RBFOX1: variants seen among roughly 807,000 people sequenced by gnomAD.
RBFOX1 encodes RNA binding protein fox-1 homolog 1.
In RBFOX1, 8 loss-of-function variants were observed where a neutral mutation model predicts 57.7. The ratio of observed to expected loss-of-function variants is 0.14; its 90% CI spans 0.08 to 0.25. The LOEUF (loss-of-function observed/expected upper bound fraction) is 0.25, where lower values mean the gene tolerates loss of function less well. Ranked by LOEUF, RBFOX1 falls within the 10% of genes least tolerant of loss-of-function variation. The probability of loss-of-function intolerance (pLI) is 1.00; values close to 1 mark genes in which losing one functional copy is unlikely to be tolerated. For synonymous variants in RBFOX1, 326 were observed against 222.4 expected, an observed-to-expected ratio of 1.47 and a Z score of -4.15; for missense variants, 611 against 548.5, an observed-to-expected ratio of 1.11 and a Z score of -1.14.
chr16:6,415,851 T>C (rs1229772268), intron 2 of RBFOX1, among the ~76,000 whole-genome samples: 2 of 152,230 alleles, frequency 1.3e-5, no homozygotes, highest in African/African-American at 2.4e-5. Context: ...TCGAAGTCTC[T>C]ATCGGTGTGA....
intron 9 of RBFOX1, among the ~76,000 whole-genome samples, chr16:7,598,347 G>C (rs1227260712): frequency 1.3e-5 from 2 of 152,130 alleles, no homozygotes; most frequent in Non-Finnish European, 2.9e-5. Flanking sequence ...ATGCCAGAAT[G>C]CTAATGGTTG....
chr16:5,891,867 C>T (rs1597664287), intron 4 of RBFOX1, among the ~76,000 whole-genome samples: 2 of 152,124 alleles, frequency 1.3e-5, no homozygotes, highest in African/African-American at 4.8e-5. Context: ...CTGAGGGATT[C>T]TAGGAACAAA....
chr16:7,618,161 A>G (rs2058758148), intron 10 of RBFOX1, among the ~76,000 whole-genome samples: 1 of 152,196 alleles, frequency 6.6e-6, no homozygotes, highest in African/African-American at 2.4e-5. Context: ...TTAAAATTTT[A>G]CATAATGAAA....
At chr16:6,780,521 T>TAC (rs1491368958) in intron 3 of RBFOX1, among the ~76,000 whole-genome samples, 5 of 111,772 alleles carry the variant, frequency 4.5e-5, no homozygotes, top group Admixed American at 1.2e-4. Context: ...TATATACATT[T>TAC]ATATATATTT....
At chr16:5,901,804 G>A (rs1339126626) in intron 4 of RBFOX1, among the ~76,000 whole-genome samples, 1 of 152,112 alleles carries the variant, frequency 6.6e-6, no homozygotes, top group Non-Finnish European at 1.5e-5. Flanking sequence ...TTTCTTCATA[G>A]CCTCAGGATT....
At chr16:7,264,518 C>T (rs1019952840) in intron 4 of RBFOX1, among the ~76,000 whole-genome samples, 2 of 152,188 alleles carry the variant, frequency 1.3e-5, no homozygotes, top group East Asian at 3.9e-4. Context: ...TCTTTGCTGA[C>T]CACGTAGTCT....
intron 4 of RBFOX1, among the ~76,000 whole-genome samples, chr16:5,888,811 A>G (rs1407522595): frequency 6.6e-6 from 1 of 151,910 alleles, no homozygotes; most frequent in Non-Finnish European, 1.5e-5. Context: ...AAAAAAAAAA[A>G]AAAAAAAAAA....
At chr16:7,560,058 G>A (rs2089940521) in intron 5 of RBFOX1, among the ~76,000 whole-genome samples, 1 of 152,218 alleles carries the variant, frequency 6.6e-6, no homozygotes, top group African/African-American at 2.4e-5. Context: ...GTCACTCTGG[G>A]ATGGGGCCCA....
intron 4 of RBFOX1, among the ~76,000 whole-genome samples, chr16:7,223,142 A>G (rs1294095270): frequency 6.6e-6 from 1 of 152,234 alleles, no homozygotes; most frequent in Non-Finnish European, 1.5e-5. Flanking sequence ...ACAAGGGTAG[A>G]AGGGCTGAAG....
chr16:7,340,640 A>G (rs1191031100), intron 4 of RBFOX1, among the ~76,000 whole-genome samples: 1 of 152,184 alleles, frequency 6.6e-6, no homozygotes, highest in East Asian at 1.9e-4. Flanking sequence ...CAGCCACACC[A>G]CTTCTCTTCA....
intron 3 of RBFOX1, among the ~76,000 whole-genome samples, chr16:7,024,095 TAAG>T (rs1438089313): frequency 6.6e-6 from 1 of 152,214 alleles, no homozygotes; most frequent in Non-Finnish European, 1.5e-5. Flanking sequence ...CTTGGCTTAC[TAAG>T]AATATACTTG....
At chr16:5,934,059 G>C (rs2059121596) in intron 4 of RBFOX1, among the ~76,000 whole-genome samples, 1 of 152,148 alleles carries the variant, frequency 6.6e-6, no homozygotes, top group African/African-American at 2.4e-5. Context: ...TTCTGCTCCT[G>C]CATTAGTTCA....
intron 2 of RBFOX1, among the ~76,000 whole-genome samples, chr16:6,513,611 G>T (rs1247781032): frequency 2.0e-5 from 3 of 152,182 alleles, no homozygotes; most frequent in African/African-American, 7.2e-5. Context: ...GCACACGCCT[G>T]TAATGACAGC....
intron 4 of RBFOX1, among the ~76,000 whole-genome samples, chr16:7,188,878 T>G (rs186721465): frequency 3.3e-5 from 5 of 152,272 alleles, no homozygotes; most frequent in African/African-American, 4.8e-5. Context: ...GAAAAAGGTT[T>G]AAGGAACAGA....
intron 5 of RBFOX1, among the ~76,000 whole-genome samples, chr16:7,549,801 C>G (rs1054036862): frequency 6.6e-6 from 1 of 152,166 alleles, no homozygotes; most frequent in African/African-American, 2.4e-5. Context: ...TCTGCCTTTC[C>G]CAGTCCACTG....
chr16:5,890,697 G>GAAAAA (rs71404558), intron 4 of RBFOX1, among the ~76,000 whole-genome samples: 2 of 61,492 alleles, frequency 3.3e-5, no homozygotes, highest in South Asian at 8.4e-4. Flanking sequence ...AGTCTGTATT[G>GAAAAA]AAAAAAAAAA....
intron 1 of RBFOX1, among the ~76,000 whole-genome samples, chr16:6,178,565 A>G (rs982539478): frequency 2.6e-5 from 4 of 152,146 alleles, no homozygotes; most frequent in Non-Finnish European, 4.4e-5. Context: ...ATGGCTTACT[A>G]TGAAGGAGAG....
intron 2 of RBFOX1, among the ~76,000 whole-genome samples, chr16:6,504,869 C>G (rs751000566): frequency 1.3e-5 from 2 of 151,258 alleles, no homozygotes; most frequent in African/African-American, 2.4e-5. Flanking sequence ...GCCTGCCCAA[C>G]ATGGTGAAAC....
At chr16:7,143,223 G>C (rs373052052) in intron 4 of RBFOX1, among the ~76,000 whole-genome samples, 1 of 152,086 alleles carries the variant, frequency 6.6e-6, no homozygotes, top group South Asian at 2.1e-4. Context: ...CATTTTCTTT[G>C]TGTTTTGATC....
Sources: gnomAD v4.1 joint callset for allele counts (sites outside exome capture counted in the v4.1 genomes callset) on GRCh38, gnomAD v4.1.1 for gene constraint, MANE v1.5 for transcripts, NCBI Gene and HGNC (gene_info 2026-07-23, HGNC 2026-07-21) for gene names.